The following LANCL3 variants were observed in gnomAD, a reference collection of about 807,000 sequenced individuals.
LANCL3 encodes the protein lanC-like protein 3.
In LANCL3, 19 loss-of-function variants were observed where a neutral mutation model predicts 26.5. The ratio of observed to expected loss-of-function variants is 0.72; its 90% CI spans 0.50 to 1.05. LANCL3 has a LOEUF of 1.05. Among genes scored for constraint, LANCL3 ranks in the 50% least tolerant of loss-of-function variants. The probability of loss-of-function intolerance (pLI) is 0.00; values close to 1 mark genes in which losing one functional copy is unlikely to be tolerated. For synonymous variants in LANCL3, 160 were observed against 166.6 expected (o/e 0.96, Z 0.30); for missense variants, 318 against 362.7 (o/e 0.88, Z 1.00).
chrX:37,633,367 G>C (rs939181133), intron 1 of LANCL3, among the ~76,000 whole-genome samples: 4 of 110,885 alleles, frequency 3.6e-5, no homozygotes, highest in Non-Finnish European at 7.6e-5. Flanking sequence ...CTTTGCCTTT[G>C]GTTTGAATTT....
At chrX:37,592,456 A>C (rs1924313910) in intron 1 of LANCL3, among the ~76,000 whole-genome samples, 1 of 112,376 alleles carries the variant, frequency 8.9e-6, no homozygotes, top group Non-Finnish European at 1.9e-5. Flanking sequence ...AAATAGGAAA[A>C]CAATCTTGGA....
intron 2 of LANCL3, among the ~76,000 whole-genome samples, chrX:37,656,754 A>G (rs1299317218): frequency 4.5e-5 from 5 of 112,335 alleles, no homozygotes; most frequent in Non-Finnish European, 9.4e-5. Context: ...ACTTTCTCTC[A>G]TTTATCTTCA....
intron 1 of LANCL3, among the ~76,000 whole-genome samples, chrX:37,639,075 T>C (rs1222283777): frequency 2.8e-5 from 3 of 107,931 alleles, no homozygotes; most frequent in Middle Eastern, 4.4e-3. Flanking sequence ...TTAACTCTTA[T>C]GGATAAAGCT....
intron 1 of LANCL3, among the ~76,000 whole-genome samples, chrX:37,644,674 G>A (rs781903099): frequency 1.8e-5 from 2 of 112,090 alleles, no homozygotes; most frequent in South Asian, 3.8e-4. Context: ...CTCTATACTC[G>A]GGAGGTCTTT....
At chrX:37,603,625 C>A (rs1487520021) in intron 1 of LANCL3, among the ~76,000 whole-genome samples, 1 of 112,537 alleles carries the variant, frequency 8.9e-6, no homozygotes, top group African/African-American at 3.2e-5. Flanking sequence ...GATCTACATT[C>A]TCATTGGCAA....
At chrX:37,673,518 A>T (rs183117813) in intron 4 of LANCL3, among the ~76,000 whole-genome samples, 1 of 110,978 alleles carries the variant, frequency 9.0e-6, no homozygotes, top group East Asian at 2.8e-4. Flanking sequence ...TAGTCCTGTA[A>T]TTAGCATGCT....
At chrX:37,586,206 C>G (rs1198747439) in intron 1 of LANCL3, among the ~76,000 whole-genome samples, 1 of 111,799 alleles carries the variant, frequency 8.9e-6, no homozygotes, top group Non-Finnish European at 1.9e-5. Context: ...GTAACCCGAC[C>G]TTTTTCTCTG....
chrX:37,580,381 T>G (rs1364525048), intron 1 of LANCL3, among the ~76,000 whole-genome samples: 1 of 112,076 alleles, frequency 8.9e-6, no homozygotes. Flanking sequence ...CTTTTCAAAA[T>G]GTACCTAAGT....
chrX:37,647,038 G>A (rs139094140), intron 1 of LANCL3, among the ~76,000 whole-genome samples: 1,757 of 112,101 alleles, frequency 0.016, 38 homozygotes, highest in African/African-American at 0.053. Flanking sequence ...CAGGAGGCTG[G>A]GTGTGGTGGC....
At chrX:37,647,445 A>G (rs1339371864) in intron 1 of LANCL3, among the ~76,000 whole-genome samples, 1 of 112,606 alleles carries the variant, frequency 8.9e-6, no homozygotes, top group Non-Finnish European at 1.9e-5. Context: ...AAAGACATAC[A>G]AAAAAGTCAT....
chrX:37,605,853 C>T (rs1924697558), intron 1 of LANCL3, among the ~76,000 whole-genome samples: 1 of 111,862 alleles, frequency 8.9e-6, no homozygotes, highest in Non-Finnish European at 1.9e-5. Context: ...TCTGCATTTT[C>T]TTTTTTTCTG....
chrX:37,641,211 A>G (rs1414259507), intron 1 of LANCL3, among the ~76,000 whole-genome samples: 7 of 110,853 alleles, frequency 6.3e-5, no homozygotes, highest in African/African-American at 1.3e-4. Context: ...CAGAGGATGG[A>G]TTCCCTACAG....
intron 1 of LANCL3, among the ~76,000 whole-genome samples, chrX:37,592,376 G>T (rs1924311919): frequency 8.9e-6 from 1 of 112,332 alleles, no homozygotes; most frequent in African/African-American, 3.2e-5. Context: ...CTGTTAAATA[G>T]GAACGGTCAT....
At chrX:37,631,023 A>G (rs1354442433) in intron 1 of LANCL3, among the ~76,000 whole-genome samples, 1 of 111,927 alleles carries the variant, frequency 8.9e-6, no homozygotes, top group Non-Finnish European at 1.9e-5. Context: ...TTCAGAAGGA[A>G]TGGTACCAGC....
intron 1 of LANCL3, among the ~76,000 whole-genome samples, chrX:37,636,870 A>G (rs1224830680): frequency 8.9e-6 from 1 of 112,403 alleles, no homozygotes; most frequent in Non-Finnish European, 1.9e-5. Flanking sequence ...ATGGAATATT[A>G]TCTATTTGCA....
At position 37,587,431 on chromosome X, in the gene LANCL3, C is replaced by T. The variant is rs551512044; in HGVS notation, c.573+14988C>T. Among the ~76,000 whole-genome samples, 110 of 112,873 alleles carry T rather than the reference C, an allele frequency of 9.7e-4. 1 individual carries two copies. The South Asian group carries it at 0.037, about 38-fold the overall frequency. ...GAGGCAGGCAGGCCTCCTTGAGCTG[C>T]GGTGGGCTCCACCCAGTTTGAGCTT... On this transcript the variant is annotated intron_variant, in intron 1 of 4. Transcript: ENST00000378619.
At chrX:37,586,877 T>G (rs1238618890) in intron 1 of LANCL3, among the ~76,000 whole-genome samples, 1 of 111,440 alleles carries the variant, frequency 9.0e-6, no homozygotes, top group East Asian at 2.8e-4. Flanking sequence ...GGCGCTCGAT[T>G]TTTAGAATTT....
Position 37,667,425 on chromosome X carries a change from G to A in LANCL3, c.1039G>A (p.Ala347Thr). The A allele has an allele frequency of 5.8e-6, 7 of 1,201,671 alleles. No homozygotes were observed. The highest frequency in any genetic ancestry group is 7.9e-6 in the Non-Finnish European group (7 of 891,161). Residue 347 changes from alanine (A) to threonine (T), a missense_variant, in exon 4 of 5, where the codon GCC becomes ACC. Ala to Thr is a moderately conservative substitution (Grantham distance 58, BLOSUM62 0). Coordinates refer to ENST00000378619, the MANE Select transcript of LANCL3 (RefSeq NM_001170331.2). ...GATTTGCCATGGAGTAGCCGGCAGTGCCTATGTCTTCCTGCTGCTGTACCG... is the reference window on the plus strand; with the variant it reads ...GATTTGCCATGGAGTAGCCGGCAGTACCTATGTCTTCCTGCTGCTGTACCG... ...PGICHGVAGS[A>T]YVFLLLYRLT...
rs139237341 is a variant in LANCL3 at position 37,613,114 on chromosome X, A to C, written c.573+40671A>C. On this transcript the variant is annotated intron_variant, in intron 1 of 4. Transcript: ENST00000378619. Reference sequence around the variant, plus strand: ...TAGAAAGGCCTTCTCTGACCTTGCTATCTAAAGTAGCATGCCCCAACTCCA... The same window carrying C: ...TAGAAAGGCCTTCTCTGACCTTGCTCTCTAAAGTAGCATGCCCCAACTCCA... 1.3e-3 allele frequency among the ~76,000 whole-genome samples: 146 copies of C among 110,750 alleles called. 1 individual carries two copies. The highest frequency in any genetic ancestry group is 5.1e-4 in the Non-Finnish European group (27 of 53,033).
Sources: allele counts gnomAD v4.1 joint callset (sites outside exome capture counted in the v4.1 genomes callset), GRCh38; gene constraint gnomAD v4.1.1; transcripts MANE v1.5; gene names NCBI Gene and HGNC (gene_info 2026-07-23, HGNC 2026-07-21).